The following MTUS1 variants were observed in gnomAD, a reference collection of about 807,000 sequenced individuals.
MTUS1 encodes microtubule-associated tumor suppressor 1.
In MTUS1, 109 loss-of-function variants were observed where a neutral mutation model predicts 120.8. The observed-to-expected ratio is 0.90, with a 90% CI of 0.77 to 1.06. The LOEUF is 1.06. Ranked by LOEUF, MTUS1 falls within the 50% of genes least tolerant of loss-of-function variation. The pLI is 0.00. For missense variants in MTUS1, 2,210 were observed against 1,486.3 expected, an observed-to-expected ratio of 1.49 and a Z score of -8.01; for synonymous variants, 737 against 550.5, an observed-to-expected ratio of 1.34 and a Z score of -4.74.
intron 8 of MTUS1, among the ~76,000 whole-genome samples, chr8:17,668,284 T>C (rs751433713): frequency 6.6e-6 from 1 of 152,172 alleles, no homozygotes; most frequent in Non-Finnish European, 1.5e-5. Flanking sequence ...CACTAGACAA[T>C]TCTTCTTCCA....
At position 17,754,317 on chromosome 8, in the gene MTUS1, A is replaced by G; in HGVS notation, c.1491T>C (p.Thr497=). ...TTGGTCTTGGGTAACTTATAATTTC[A>G]GTTTTTCTAACTTTGCAGCCTATTG... The part of the protein sequence containing the change: ...NTPIGCKVRK[T]EIISYPRPNF... The change falls in exon 2 of 15, where the codon ACT becomes ACC. Residue 497 remains threonine (T), a synonymous_variant. Transcript: ENST00000693296. 1 of 1,613,584 alleles carries G rather than the reference A, an allele frequency of 6.2e-7. No homozygotes were observed.
chr8:17,791,627 T>TAA (rs2051791424), intron 1 of MTUS1, among the ~76,000 whole-genome samples: 1 of 152,316 alleles, frequency 6.6e-6, no homozygotes, highest in East Asian at 1.9e-4. Context: ...TCACTAGACT[T>TAA]AAACTTTCAA....
intron 6 of MTUS1, chr8:17,691,916 T>C (rs1416209120): frequency 6.6e-6 from 1 of 152,204 alleles, no homozygotes. Context: ...TCCCAATGTA[T>C]TTTATAACTG....
chr8:17,759,115 T>C (rs2048847756), intron 1 of MTUS1, among the ~76,000 whole-genome samples: 1 of 151,610 alleles, frequency 6.6e-6, no homozygotes, highest in South Asian at 2.1e-4. Flanking sequence ...TCTCCTGACC[T>C]CGTGATCCGC....
chr8:17,783,656 G>T (rs552576075), intron 1 of MTUS1, among the ~76,000 whole-genome samples: 51 of 152,292 alleles, frequency 3.3e-4, no homozygotes, highest in African/African-American at 1.2e-3. Flanking sequence ...GAGGCTCCAT[G>T]AAGACGGTCC....
At chr8:17,656,381 A>C (rs2130274512) in intron 8 of MTUS1, among the ~76,000 whole-genome samples, 1 of 152,066 alleles carries the variant, frequency 6.6e-6, no homozygotes, top group South Asian at 2.1e-4. Flanking sequence ...TACAAAAATT[A>C]GCCGGGCATG....
At chr8:17,717,110 G>C (rs1279070498) in intron 4 of MTUS1, among the ~76,000 whole-genome samples, 1 of 152,128 alleles carries the variant, frequency 6.6e-6, no homozygotes, top group East Asian at 1.9e-4. Context: ...GTACAGGCGT[G>C]CTATTATTTT....
intron 1 of MTUS1, among the ~76,000 whole-genome samples, chr8:17,795,031 C>A (rs552039446): frequency 4.8e-4 from 73 of 152,290 alleles, no homozygotes; most frequent in Non-Finnish European, 8.7e-4. Flanking sequence ...CTGAATACCT[C>A]CTATGAACTG....
At chr8:17,795,059 G>T (rs995664816) in intron 1 of MTUS1, among the ~76,000 whole-genome samples, 7 of 152,192 alleles carry the variant, frequency 4.6e-5, no homozygotes, top group South Asian at 4.1e-4. Flanking sequence ...GAAATAAGGT[G>T]AAGAAATATT....
At chr8:17,674,710 G>C (rs1355584241) in intron 8 of MTUS1, 5 of 994,630 alleles carry the variant, frequency 5.0e-6, no homozygotes, top group Non-Finnish European at 6.0e-6. Context: ...AGTAAGATTA[G>C]CATAGAACGT....
At chr8:17,798,464 C>A (rs567949604) in intron 1 of MTUS1, among the ~76,000 whole-genome samples, 361 of 152,154 alleles carry the variant, frequency 2.4e-3, no homozygotes, top group Non-Finnish European at 4.2e-3. Context: ...TCCCAAGTAG[C>A]TGAGATTACA....
intron 3 of MTUS1, among the ~76,000 whole-genome samples, chr8:17,728,034 A>G (rs2046330627): frequency 6.6e-6 from 1 of 152,248 alleles, no homozygotes; most frequent in Non-Finnish European, 1.5e-5. Context: ...GACGCCTAGC[A>G]AAACTAAAAT....
At chr8:17,706,762 A>G (rs1217917099) in intron 6 of MTUS1, among the ~76,000 whole-genome samples, 1 of 152,212 alleles carries the variant, frequency 6.6e-6, no homozygotes, top group African/African-American at 2.4e-5. Flanking sequence ...TGAATGTGAT[A>G]CAGAAGCACC....
intron 8 of MTUS1, among the ~76,000 whole-genome samples, chr8:17,670,338 G>A (rs550732367): frequency 2.6e-5 from 4 of 152,274 alleles, no homozygotes; most frequent in South Asian, 2.1e-4. Flanking sequence ...AGGTAGTAGC[G>A]GAAACCATGG....
intron 14 of MTUS1, 80 bp from the exon 15 acceptor site, chr8:17,646,219 T>G: frequency 2.9e-6 from 4 of 1,370,684 alleles, no homozygotes; most frequent in Non-Finnish European, 2.9e-6. Context: ...CGTTTGAAAC[T>G]TTAAAGTCCA....
intron 3 of MTUS1, among the ~76,000 whole-genome samples, chr8:17,740,885 A>G (rs1462096631): frequency 6.6e-6 from 1 of 152,022 alleles, no homozygotes; most frequent in Non-Finnish European, 1.5e-5. Flanking sequence ...TCTTTTTTGA[A>G]AGAGAGTTTC....
chr8:17,657,991 T>C (rs1197841502), intron 8 of MTUS1, among the ~76,000 whole-genome samples: 2 of 146,740 alleles, frequency 1.4e-5, no homozygotes, highest in East Asian at 4.0e-4. Flanking sequence ...ACATATATAA[T>C]ACATATATAC....
chr8:17,706,704 G>C (rs939762525), intron 6 of MTUS1, among the ~76,000 whole-genome samples: 2 of 152,162 alleles, frequency 1.3e-5, no homozygotes. Flanking sequence ...ACAAGAAATT[G>C]AAAGTTGAAA....
intron 8 of MTUS1, among the ~76,000 whole-genome samples, chr8:17,667,016 A>G (rs1203556652): frequency 1.3e-5 from 2 of 152,216 alleles, no homozygotes; most frequent in African/African-American, 2.4e-5. Flanking sequence ...CTACACAATA[A>G]GGTATTAAAT....
Sources: allele counts gnomAD v4.1 joint callset (sites outside exome capture counted in the v4.1 genomes callset), GRCh38; gene constraint gnomAD v4.1.1; transcripts MANE v1.5; gene names NCBI Gene and HGNC (gene_info 2026-07-23, HGNC 2026-07-21).